Variants in MITF observed in about 807,000 individuals in gnomAD.
The protein encoded by MITF is microphthalmia-associated transcription factor.
MITF carries 17 observed loss-of-function variants against 60.5 expected under a neutral mutation model. That is an observed-to-expected ratio of 0.28 (90% CI 0.19 to 0.42). MITF has a LOEUF of 0.42. MITF is among the 10% of genes least tolerant of loss of function. The pLI, the probability that MITF is intolerant of heterozygous loss-of-function variation, is 1.00. For synonymous variants in MITF, 260 were observed against 248.5 expected, an observed-to-expected ratio of 1.05 and a Z score of -0.43; for missense variants, 622 against 683.5, an observed-to-expected ratio of 0.91 and a Z score of 1.00.
chr3:69,915,970 A>G (rs2065324725), intron 2 of MITF, among the ~76,000 whole-genome samples: 1 of 152,196 alleles, frequency 6.6e-6, no homozygotes, highest in African/African-American at 2.4e-5. Context: ...TCTCATTTCT[A>G]GAGTAGGAGG....
chr3:69,796,494 C>CT (rs767834091), intron 1 of MITF, among the ~76,000 whole-genome samples: 1,709 of 80,228 alleles, frequency 0.021, 78 homozygotes, highest in African/African-American at 0.039. Context: ...CACCGTCTTT[C>CT]TTTTTTTTTT....
intron 1 of MITF, among the ~76,000 whole-genome samples, chr3:69,772,726 G>C (rs950089338): frequency 3.3e-5 from 5 of 152,032 alleles, no homozygotes; most frequent in African/African-American, 1.2e-4. Flanking sequence ...TGCTTCCTAT[G>C]GGCTGCCAGA....
chr3:69,931,157 T>G (rs2065714415), intron 2 of MITF, among the ~76,000 whole-genome samples: 1 of 152,224 alleles, frequency 6.6e-6, no homozygotes, highest in Non-Finnish European at 1.5e-5. Context: ...ATGCATGGCA[T>G]CTGGTACATG....
chr3:69,940,523 G>A (rs138117099), intron 4 of MITF, among the ~76,000 whole-genome samples: 3 of 152,264 alleles, frequency 2.0e-5, no homozygotes, highest in Admixed American at 6.5e-5. Flanking sequence ...TCAGCTCCAC[G>A]ACTGTAATGA....
chr3:69,753,035 A>G (rs767779071), intron 1 of MITF, among the ~76,000 whole-genome samples: 2 of 152,218 alleles, frequency 1.3e-5, no homozygotes, highest in Non-Finnish European at 2.9e-5. Context: ...AGCATTTCAG[A>G]GAACTTTGCA....
intron 2 of MITF, among the ~76,000 whole-genome samples, chr3:69,893,782 C>T (rs1045050760): frequency 2.0e-5 from 3 of 152,152 alleles, no homozygotes; most frequent in Admixed American, 1.3e-4. Flanking sequence ...TTAAAAACTA[C>T]CTGGCTATGT....
chr3:69,931,804 A>G (rs975746096), intron 2 of MITF, among the ~76,000 whole-genome samples: 1 of 152,202 alleles, frequency 6.6e-6, no homozygotes, highest in African/African-American at 2.4e-5. Context: ...CTTCTTATTC[A>G]GTTAAAGTCC....
chr3:69,762,764 A>C lies in MITF; in HGVS notation c.104+23063A>C, dbSNP rs548281794. 18 of 223,484 alleles carry C rather than the reference A, an allele frequency of 8.1e-5. No homozygotes were observed. The East Asian group carries it at 1.0e-3, about 13-fold the overall frequency. The allele number at this position is 223,484 out of a possible 1,614,324, so 13.8% of individuals were successfully genotyped here. A position where few individuals can be genotyped will look rare whatever the true frequency, so the allele number is the denominator to read the frequency against. On this transcript the variant is annotated intron_variant, in intron 1 of 9. Transcript: ENST00000352241. ...AAGATTGAATCCTCATCTCTCCATG[A>C]GTCTGAGCATCTAAAGATGTTAGAG...
chr3:69,916,675 C>A (rs2107410087), intron 2 of MITF, among the ~76,000 whole-genome samples: 1 of 152,208 alleles, frequency 6.6e-6, no homozygotes, highest in Non-Finnish European at 1.5e-5. Context: ...TGTATCTAAA[C>A]AAGGTAATAT....
Position 69,909,171 on chromosome 3 carries a change from T to C in MITF, c.355-28651T>C, listed in dbSNP as rs117676155. ...GCTGGTCTTTCCCATGTGGTTCTCA[T>C]GATAGTGAATGGATAAGTCTCACGA... On this transcript the variant is annotated intron_variant, in intron 2 of 9. Transcript: ENST00000352241. Among the ~76,000 whole-genome samples the C allele has an allele frequency of 6.3e-4, 96 of 152,194 alleles. 1 individual carries two copies. In the East Asian group the frequency reaches 0.016, roughly 25 times the overall value.
At chr3:69,767,143 C>G (rs1281864397) in intron 1 of MITF, among the ~76,000 whole-genome samples, 1 of 152,190 alleles carries the variant, frequency 6.6e-6, no homozygotes, top group Non-Finnish European at 1.5e-5. Flanking sequence ...TTCACTTTTA[C>G]TCTCCAAAGC....
Position 69,966,198 on chromosome 3 carries a change from T to C in MITF, c.*950T>C. ...TACAGATTCTTTATTATCATTGTTC[T>C]TTTCAATATATTTGTATTAATTTGT... is the stretch of plus-strand genomic sequence containing the variant. On this transcript the variant is annotated 3_prime_UTR_variant, in exon 10 of 10. Transcript: ENST00000352241. 4.3e-6 allele frequency: 1 copy of C among 232,804 alleles called. No homozygotes were observed. The highest frequency in any genetic ancestry group is 5.6e-5 in the Admixed American group (1 of 17,780). The allele number at this position is 232,804 out of a possible 1,614,324, so 14.4% of individuals were successfully genotyped here. A position where few individuals can be genotyped will look rare whatever the true frequency, so the allele number is the denominator to read the frequency against.
intron 2 of MITF, among the ~76,000 whole-genome samples, chr3:69,928,411 A>G (rs1035013501): frequency 3.3e-5 from 5 of 152,260 alleles, no homozygotes; most frequent in African/African-American, 9.6e-5. Context: ...TTGTTCAGGG[A>G]TATGAAGTGT....
chr3:69,900,432 A>G (rs903502363), intron 2 of MITF, among the ~76,000 whole-genome samples: 1 of 152,196 alleles, frequency 6.6e-6, no homozygotes, highest in Non-Finnish European at 1.5e-5. Flanking sequence ...CATGTGTGGT[A>G]CAATTACCTG....
intron 2 of MITF, among the ~76,000 whole-genome samples, chr3:69,899,822 G>A (rs904605571): frequency 1.3e-5 from 2 of 152,096 alleles, no homozygotes; most frequent in South Asian, 2.1e-4. Context: ...CAGGCAAAAA[G>A]AAAAAAGCAT....
At chr3:69,868,763 G>A (rs2064165093) in intron 1 of MITF, among the ~76,000 whole-genome samples, 2 of 151,970 alleles carry the variant, frequency 1.3e-5, no homozygotes, top group Non-Finnish European at 2.9e-5. Flanking sequence ...GCCAGGCATG[G>A]TGTCCCGGGC....
chr3:69,850,954 T>C (rs146882100), intron 1 of MITF, among the ~76,000 whole-genome samples: 234 of 152,276 alleles, frequency 1.5e-3, no homozygotes, highest in South Asian at 5.2e-3. Context: ...CCACCCACTC[T>C]GTGCATTGCA....
intron 9 of MITF, among the ~76,000 whole-genome samples, chr3:69,962,870 A>G (rs2066584590): frequency 6.6e-6 from 1 of 152,176 alleles, no homozygotes; most frequent in Admixed American, 6.5e-5. Context: ...TGGGTGGTAA[A>G]CAAGAGTTAT....
chr3:69,853,493 T>A (rs954126903), intron 1 of MITF, among the ~76,000 whole-genome samples: 10 of 152,214 alleles, frequency 6.6e-5, no homozygotes, highest in South Asian at 2.1e-4. Flanking sequence ...TAGAAAGCAA[T>A]ACCTGTCCGT....
Sources: gnomAD v4.1 joint callset for allele counts (sites outside exome capture counted in the v4.1 genomes callset) on GRCh38, gnomAD v4.1.1 for gene constraint, MANE v1.5 for transcripts, NCBI Gene and HGNC (gene_info 2026-07-23, HGNC 2026-07-21) for gene names.